The following SLC61A1 variants were observed in gnomAD, a reference collection of about 807,000 sequenced individuals.
SLC61A1 encodes the protein major facilitator superfamily domain containing 5.
chr12:53,252,355 G>A, the SLC61A1 span: 1 of 1,340,866 alleles, frequency 7.5e-7, no homozygotes, highest in Middle Eastern at 2.9e-4. Context: ...GTGACCTGGA[G>A]GAGTGGGCCT....
the SLC61A1 span, chr12:53,252,058 GC>G: frequency 6.8e-7 from 1 of 1,461,620 alleles, no homozygotes; most frequent in South Asian, 1.4e-5. Flanking sequence ...GGGCGGGCGG[GC>G]GGGGCGGGGC....
At chr12:53,253,643 T>TG in the SLC61A1 span, 1 of 1,614,096 alleles carries the variant, frequency 6.2e-7, no homozygotes, top group Non-Finnish European at 8.5e-7. Flanking sequence ...TGTCTTCCTC[T>TG]GGACACCTGT....
chr12:53,252,218 G>T, the SLC61A1 span: 1 of 1,414,328 alleles, frequency 7.1e-7, no homozygotes, highest in Non-Finnish European at 9.1e-7. Flanking sequence ...GGGTGGCCTG[G>T]CGGCCTGGAG....
the SLC61A1 span, chr12:53,253,442 C>A: frequency 1.2e-6 from 2 of 1,614,124 alleles, no homozygotes; most frequent in Admixed American, 3.3e-5. Flanking sequence ...GCCTGTAGCG[C>A]CCTTTGTGGC....
chr12:53,252,490 G>C, the SLC61A1 span: 4 of 1,320,798 alleles, frequency 3.0e-6, no homozygotes, highest in South Asian at 5.7e-5. Context: ...GGAGGTAATA[G>C]AAGGAAGTGT....
chr12:53,253,768 C>T, the SLC61A1 span: 5 of 1,614,192 alleles, frequency 3.1e-6, no homozygotes, highest in South Asian at 5.5e-5. Context: ...ACCTTCAGCC[C>T]ATGCACCTGC....
chr12:53,252,012 A>G, the SLC61A1 span: 13 of 1,174,782 alleles, frequency 1.1e-5, no homozygotes, highest in Non-Finnish European at 1.4e-5. Flanking sequence ...GACCCACCCC[A>G]GGCGTCAGGA....
At chr12:53,253,120 C>G in the SLC61A1 span, 4 of 1,614,240 alleles carry the variant, frequency 2.5e-6, no homozygotes, top group South Asian at 1.1e-5. Context: ...GCCTAGTGGC[C>G]TCCTCCCTTG....
At chr12:53,252,727 G>A in the SLC61A1 span, 1 of 1,423,642 alleles carries the variant, frequency 7.0e-7, no homozygotes, top group Non-Finnish European at 9.4e-7. Context: ...TTGGCAGCGG[G>A]GTTGGGTGGA....
the SLC61A1 span, chr12:53,252,301 T>A: frequency 7.2e-7 from 1 of 1,384,488 alleles, no homozygotes; most frequent in Non-Finnish European, 9.3e-7. Flanking sequence ...TGCAAGTGGA[T>A]GTGGCAGGGC....
At chr12:53,251,881 G>A in the SLC61A1 span, 1 of 1,537,310 alleles carries the variant, frequency 6.5e-7, no homozygotes, top group Non-Finnish European at 8.7e-7. Context: ...AAGAAAATTG[G>A]CACTTATTTC....
the SLC61A1 span, chr12:53,252,058 G>A: frequency 6.8e-7 from 1 of 1,461,618 alleles, no homozygotes; most frequent in Non-Finnish European, 9.0e-7. Context: ...GGGCGGGCGG[G>A]CGGGGCGGGG....
At chr12:53,252,020 G>T in the SLC61A1 span, 1 of 1,525,962 alleles carries the variant, frequency 6.6e-7, no homozygotes, top group Non-Finnish European at 8.8e-7. Context: ...CCAGGCGTCA[G>T]GAGTTCCGCG....
At chr12:53,253,021 C>T in the SLC61A1 span, 53 of 1,614,094 alleles carry the variant, frequency 3.3e-5, no homozygotes, top group Non-Finnish European at 3.4e-5. Context: ...AGGCCCCCTA[C>T]CTCTATAAAC....
chr12:53,251,680 C>A, the SLC61A1 span: 1 of 1,486,748 alleles, frequency 6.7e-7, no homozygotes, highest in Non-Finnish European at 8.9e-7. Flanking sequence ...ACTCCAAGTT[C>A]TTTACACCAC....
chr12:53,252,546 A>G, the SLC61A1 span: 9 of 1,376,736 alleles, frequency 6.5e-6, no homozygotes, highest in South Asian at 1.7e-5. Context: ...CGGGAGCGGG[A>G]TTATTGAAAG....
the SLC61A1 span, chr12:53,253,302 A>G: frequency 1.2e-6 from 2 of 1,614,274 alleles, no homozygotes; most frequent in Non-Finnish European, 1.7e-6. Context: ...ATCCATGAGC[A>G]CGTGGAACGG....
At chr12:53,252,317 A>T in the SLC61A1 span, 2 of 1,364,282 alleles carry the variant, frequency 1.5e-6, no homozygotes, top group African/African-American at 1.5e-5. Context: ...AGGGCTGGGC[A>T]GGGGCTAGGG....
chr12:53,252,193 G>T, the SLC61A1 span: 3 of 1,419,192 alleles, frequency 2.1e-6, no homozygotes, highest in Non-Finnish European at 2.7e-6. Flanking sequence ...GCCGGAGCCG[G>T]AGCCACAGCG....
Sources: gnomAD v4.1 joint callset for allele counts on GRCh38, gnomAD v4.1.1 for gene constraint, MANE v1.5 for transcripts, NCBI Gene and HGNC (gene_info 2026-07-23, HGNC 2026-07-21) for gene names.